Variants in RAB11FIP3 observed in about 807,000 individuals in gnomAD.
RAB11FIP3 encodes the protein RAB11 family interacting protein 3.
RAB11FIP3 carries 17 observed loss-of-function variants against 77.8 expected under a neutral mutation model. That is an observed-to-expected ratio of 0.22 (90% CI 0.15 to 0.33). The LOEUF is 0.33. Ranked by LOEUF, RAB11FIP3 falls within the 10% of genes least tolerant of loss-of-function variation. The pLI, the probability that RAB11FIP3 is intolerant of heterozygous loss-of-function variation, is 1.00. For synonymous variants in RAB11FIP3, 437 were observed against 448.2 expected, an observed-to-expected ratio of 0.98 and a Z score of 0.31; for missense variants, 1,005 against 1,011.2, an observed-to-expected ratio of 0.99 and a Z score of 0.08.
intron 1 of RAB11FIP3, among the ~76,000 whole-genome samples, chr16:446,002 C>T (rs913247404): frequency 2.0e-5 from 3 of 152,026 alleles, no homozygotes; most frequent in Non-Finnish European, 2.9e-5. Context: ...GACACAGAGA[C>T]GAGGGTGCAT....
intron 3 of RAB11FIP3, among the ~76,000 whole-genome samples, chr16:478,126 G>A (rs956336013): frequency 2.0e-5 from 3 of 152,174 alleles, no homozygotes; most frequent in Non-Finnish European, 4.4e-5. Flanking sequence ...TTCCAGTGAG[G>A]CTCAGGTGGG....
At chr16:509,192 G>A (rs534546615) in intron 8 of RAB11FIP3, among the ~76,000 whole-genome samples, 1 of 152,312 alleles carries the variant, frequency 6.6e-6, no homozygotes, top group South Asian at 2.1e-4. Flanking sequence ...GCGTGAGCCC[G>A]GCATCTCAAT....
chr16:505,900 A>T lies in RAB11FIP3; in HGVS notation c.1499+273A>T, dbSNP rs545959473. Among the ~76,000 whole-genome samples, 13 of 152,212 alleles carry T rather than the reference A, an allele frequency of 8.5e-5. No homozygotes were observed. The highest frequency in any genetic ancestry group is 8.3e-4 in the South Asian group (4 of 4,814). On this transcript the variant is annotated intron_variant, in intron 8 of 13. Transcript: ENST00000262305. This position sits in a 1 kb window ranked among gnomAD's most constrained non-coding sequence, Gnocchi z 4.0. ...CTGCCTCCCTCTCGGGAGCGCTGAG[A>T]CCTGACCCACACAGAGGAGGAACTG...
intron 4 of RAB11FIP3, among the ~76,000 whole-genome samples, chr16:483,535 C>T (rs1003465964): frequency 6.6e-6 from 1 of 152,222 alleles, no homozygotes; most frequent in Non-Finnish European, 1.5e-5. Flanking sequence ...CATCACATGA[C>T]AGGTGGCAGG....
intron 1 of RAB11FIP3, among the ~76,000 whole-genome samples, chr16:438,491 C>T (rs1241635981): frequency 4.0e-5 from 6 of 150,848 alleles, no homozygotes; most frequent in Non-Finnish European, 7.4e-5. Context: ...CTGCAACCTC[C>T]GCTTCCAGGG....
chr16:497,950 A>T (rs960801683), intron 6 of RAB11FIP3, among the ~76,000 whole-genome samples: 9 of 151,478 alleles, frequency 5.9e-5, no homozygotes, highest in African/African-American at 1.9e-4. Flanking sequence ...AAAAAAAAAA[A>T]AAAAATTAAA....
At chr16:493,795 C>T (rs1054776023) in intron 5 of RAB11FIP3, among the ~76,000 whole-genome samples, 5 of 145,426 alleles carry the variant, frequency 3.4e-5, no homozygotes, top group African/African-American at 5.1e-5. Flanking sequence ...TTAGTAGACA[C>T]GGGGTTTCAC....
chr16:470,891 A>G (rs1466177274), intron 2 of RAB11FIP3, among the ~76,000 whole-genome samples: 1 of 151,954 alleles, frequency 6.6e-6, no homozygotes, highest in African/African-American at 2.4e-5. Context: ...ACACCTTCTC[A>G]TGTAAATGTT....
At chr16:487,647 G>A (rs1241867199) in intron 4 of RAB11FIP3, among the ~76,000 whole-genome samples, 2 of 152,132 alleles carry the variant, frequency 1.3e-5, no homozygotes, top group African/African-American at 2.4e-5. Context: ...GTGGAGCAGC[G>A]CCGGGCCTGC....
In RAB11FIP3 at chr16:522,603, C is replaced by T. The variant is rs999700682; in HGVS notation, c.*1764C>T. On this transcript the variant is annotated 3_prime_UTR_variant, in exon 14 of 14. Coordinates refer to ENST00000262305, the MANE Select transcript of RAB11FIP3 (RefSeq NM_014700.4). ...TTGTCTGAGCTCAGAACCCAGCAGACCTGCCTGGCTCTGCAGCTTGGTCAG... is the reference window on the plus strand; with the variant it reads ...TTGTCTGAGCTCAGAACCCAGCAGATCTGCCTGGCTCTGCAGCTTGGTCAG... The T allele has an allele frequency of 6.6e-6, 1 of 152,238 alleles. No individual in the cohort carries two copies. Among genetic ancestry groups the T allele is most frequent in the African/African-American group, 2.4e-5 (1 of 41,454 alleles). The allele number at this position is 152,238 out of a possible 1,614,324, so 9.4% of individuals were successfully genotyped here.
Position 493,399 on chromosome 16 carries a change from T to G in RAB11FIP3, c.1266-3425T>G, listed in dbSNP as rs368619818. Reference sequence around the variant, plus strand: ...ATCTTGCGTTTTAGTTTCCATGGACTTGCCTGAAAGTAAGCTTATTTGGTC... The same window carrying G: ...ATCTTGCGTTTTAGTTTCCATGGACGTGCCTGAAAGTAAGCTTATTTGGTC... On this transcript the variant is annotated intron_variant, in intron 5 of 13. Coordinates refer to ENST00000262305, the MANE Select transcript of RAB11FIP3 (RefSeq NM_014700.4). 3.4e-3 allele frequency among the ~76,000 whole-genome samples: 514 copies of G among 152,294 alleles called. 7 individuals are homozygous for G. The highest frequency in any genetic ancestry group is 0.012 in the African/African-American group (487 of 41,568).
At chr16:432,768 C>A (rs2055059594) in intron 1 of RAB11FIP3, among the ~76,000 whole-genome samples, 1 of 150,928 alleles carries the variant, frequency 6.6e-6, no homozygotes, top group South Asian at 2.1e-4. Flanking sequence ...ACCACTCCGG[C>A]TAAATTTTTG....
At chr16:490,950 G>C (rs916575323) in intron 5 of RAB11FIP3, among the ~76,000 whole-genome samples, 12 of 152,230 alleles carry the variant, frequency 7.9e-5, no homozygotes, top group Non-Finnish European at 1.5e-4. Flanking sequence ...CCTGGAGGCA[G>C]CTGAGGGATG....
intron 5 of RAB11FIP3, among the ~76,000 whole-genome samples, chr16:492,475 C>T (rs1485499113): frequency 6.9e-5 from 8 of 115,510 alleles, no homozygotes; most frequent in African/African-American, 2.1e-4. Flanking sequence ...GACCCGAGGC[C>T]GCCCAGGGCC....
chr16:443,857 C>T (rs2055268200), intron 1 of RAB11FIP3, among the ~76,000 whole-genome samples: 2 of 152,222 alleles, frequency 1.3e-5, no homozygotes, highest in African/African-American at 4.8e-5. Flanking sequence ...AGCCATCGCG[C>T]CCGGCCTGGA....
At chr16:489,135 T>C in intron 5 of RAB11FIP3, 135 bp downstream of exon 5, 1 of 1,100,814 alleles carries the variant, frequency 9.1e-7, no homozygotes, top group Non-Finnish European at 1.2e-6. Flanking sequence ...TAAACCATAT[T>C]CAAACATTTT....
At chr16:474,337 A>G (rs151196015) in intron 3 of RAB11FIP3, among the ~76,000 whole-genome samples, 2,375 of 152,264 alleles carry the variant, frequency 0.016, 24 homozygotes, top group Non-Finnish European at 0.025. Flanking sequence ...TAAAATGTGC[A>G]GTTAGTCATG....
At chr16:465,357 G>T (rs2055683912) in intron 2 of RAB11FIP3, among the ~76,000 whole-genome samples, 1 of 152,134 alleles carries the variant, frequency 6.6e-6, no homozygotes, top group African/African-American at 2.4e-5. Context: ...TGAAAAACAA[G>T]AAGTGGAATA....
chr16:484,822 T>C (rs2056119982), intron 4 of RAB11FIP3, among the ~76,000 whole-genome samples: 1 of 152,180 alleles, frequency 6.6e-6, no homozygotes, highest in Non-Finnish European at 1.5e-5. Context: ...TTTGGGAGCA[T>C]GGTACGGCCC....
Sources: allele counts gnomAD v4.1 joint callset (sites outside exome capture counted in the v4.1 genomes callset), GRCh38; gene constraint gnomAD v4.1.1; non-coding constraint Gnocchi (gnomAD v3.1); transcripts MANE v1.5; gene names NCBI Gene and HGNC (gene_info 2026-07-23, HGNC 2026-07-21).